Variants in VAX2 observed in about 807,000 individuals in gnomAD.
VAX2 encodes the protein ventral anterior homeobox 2.
VAX2 carries 8 observed loss-of-function variants against 12.5 expected under a neutral mutation model. That is an observed-to-expected ratio of 0.64 (90% confidence interval 0.37 to 1.15). The LOEUF (loss-of-function observed/expected upper bound fraction) is 1.15. Ranked by LOEUF, VAX2 falls within the 50% of genes most tolerant of loss-of-function variation. The probability of loss-of-function intolerance (pLI) is 0.01; values close to 1 mark genes in which losing one functional copy is unlikely to be tolerated. For synonymous variants in VAX2, 183 were observed against 187.6 expected, an observed-to-expected ratio of 0.98 and a Z score of 0.20; for missense variants, 476 against 412.9, an observed-to-expected ratio of 1.15 and a Z score of -1.32.
intron 1 of VAX2, among the ~76,000 whole-genome samples, chr2:70,903,665 G>T (rs1159250993): frequency 1.2e-4 from 18 of 152,180 alleles, no homozygotes; most frequent in African/African-American, 4.1e-4. Flanking sequence ...CACCCAGTAG[G>T]ATCTTCATAA....
chr2:70,933,225 G>C lies in VAX2; in HGVS notation c.*21G>C, dbSNP rs782361299. On this transcript the variant is annotated 3_prime_UTR_variant, in exon 3 of 3. Transcript: ENST00000234392. ...CTTAAGACTCCCACCCTGTGACACTGAGTCCCGAGCACAGCACCTTCCCAG... is the reference window on the plus strand; with the variant it reads ...CTTAAGACTCCCACCCTGTGACACTCAGTCCCGAGCACAGCACCTTCCCAG... 6.7e-7 allele frequency: 1 copy of C among 1,498,986 alleles called. No individual in the cohort carries two copies. The highest frequency in any genetic ancestry group is 8.9e-7 in the Non-Finnish European group (1 of 1,123,600). The allele number at this position is 1,498,986 out of a possible 1,614,324, so 92.9% of individuals were successfully genotyped here. A position where few individuals can be genotyped will look rare whatever the true frequency, so the allele number is the denominator to read the frequency against.
intron 1 of VAX2, among the ~76,000 whole-genome samples, chr2:70,919,121 GAACCTGGGAGGCTGAGGCAGGAGAATCAC>G (rs1679383349): frequency 1.2e-4 from 1 of 8,008 alleles, no homozygotes; most frequent in Non-Finnish European, 2.0e-4. Context: ...AGAATCACTT[GAACCTGGGAGGCTGAGGCAGGAGAATCAC>G]TTGAACCTGG....
At chr2:70,919,629 C>T (rs1553412520) in intron 1 of VAX2, among the ~76,000 whole-genome samples, 1 of 152,060 alleles carries the variant, frequency 6.6e-6, no homozygotes, top group East Asian at 1.9e-4. Flanking sequence ...TCACTTGAAC[C>T]CAGAAGTTAC....
At chr2:70,924,970 G>A (rs1553413337) in intron 2 of VAX2, among the ~76,000 whole-genome samples, 1 of 152,176 alleles carries the variant, frequency 6.6e-6, no homozygotes, top group Non-Finnish European at 1.5e-5. Flanking sequence ...ATGACGTTGA[G>A]CTTAGGCCTG....
At chr2:70,928,411 C>T (rs1055622750) in intron 2 of VAX2, among the ~76,000 whole-genome samples, 1 of 152,172 alleles carries the variant, frequency 6.6e-6, no homozygotes, top group East Asian at 1.9e-4. Context: ...TTCCAGTGTG[C>T]GGCCAAGGTT....
In VAX2 at chr2:70,920,327, A is replaced by G. The variant is rs1418533936; in HGVS notation, c.248-771A>G. Among the ~76,000 whole-genome samples, 7 of 152,202 alleles carry G rather than the reference A, an allele frequency of 4.6e-5. No homozygotes were observed. The East Asian group carries it at 1.3e-3, about 29-fold the overall frequency. ...GTTAAATGTTACTAAGTTCTTTATCAGGAATGTGTGGGGAACGTGGGCTCC... is the reference window on the plus strand; with the variant it reads ...GTTAAATGTTACTAAGTTCTTTATCGGGAATGTGTGGGGAACGTGGGCTCC... On this transcript the variant is annotated intron_variant, in intron 1 of 2. Transcript: ENST00000234392.
intron 1 of VAX2, among the ~76,000 whole-genome samples, chr2:70,907,324 C>A (rs1363640008): frequency 6.6e-6 from 1 of 152,218 alleles, no homozygotes; most frequent in Non-Finnish European, 1.5e-5. Context: ...CTGGGCCGCT[C>A]GTAAAGTCAA....
chr2:70,929,366 G>A (rs1313738610), intron 2 of VAX2, among the ~76,000 whole-genome samples: 1 of 152,226 alleles, frequency 6.6e-6, no homozygotes, highest in Non-Finnish European at 1.5e-5. Context: ...ACCTGTCTAT[G>A]ACATGGTAAG....
intron 2 of VAX2, among the ~76,000 whole-genome samples, chr2:70,923,995 TA>T (rs1679516583): frequency 6.6e-6 from 1 of 152,146 alleles, no homozygotes; most frequent in Admixed American, 6.5e-5. Context: ...AAACATTTTT[TA>T]CAGTTTACAC....
At chr2:70,910,814 C>T (rs1679166292) in intron 1 of VAX2, among the ~76,000 whole-genome samples, 1 of 149,188 alleles carries the variant, frequency 6.7e-6, no homozygotes, top group South Asian at 2.1e-4. Context: ...ACAAAAAACC[C>T]ACAAAAAAAC....
intron 1 of VAX2, among the ~76,000 whole-genome samples, chr2:70,907,554 G>T (rs1293536630): frequency 6.6e-6 from 1 of 152,230 alleles, no homozygotes; most frequent in Non-Finnish European, 1.5e-5. Context: ...GACTTTCAGA[G>T]CCCCTGTCCC....
At chr2:70,911,564 C>T (rs1020714053) in intron 1 of VAX2, among the ~76,000 whole-genome samples, 4 of 152,194 alleles carry the variant, frequency 2.6e-5, no homozygotes, top group Admixed American at 6.5e-5. Context: ...ATTGAGAGAG[C>T]TTGAGAGAAC....
At chr2:70,927,842 G>A (rs1489428719) in intron 2 of VAX2, among the ~76,000 whole-genome samples, 1 of 152,086 alleles carries the variant, frequency 6.6e-6, no homozygotes. Flanking sequence ...AGCACTCACT[G>A]AGTCCCAGGG....
intron 2 of VAX2, among the ~76,000 whole-genome samples, chr2:70,922,355 C>T (rs1428043855): frequency 2.0e-5 from 3 of 151,872 alleles, no homozygotes; most frequent in African/African-American, 4.8e-5. Context: ...TGGAGCGAGG[C>T]GGGAGGCTGT....
At chr2:70,928,240 G>A (rs1679616363) in intron 2 of VAX2, among the ~76,000 whole-genome samples, 1 of 152,232 alleles carries the variant, frequency 6.6e-6, no homozygotes, top group African/African-American at 2.4e-5. Context: ...GGGAAGTAGA[G>A]AGTTGACCCT....
At chr2:70,925,637 G>T (rs1359107660) in intron 2 of VAX2, among the ~76,000 whole-genome samples, 1 of 152,130 alleles carries the variant, frequency 6.6e-6, no homozygotes, top group African/African-American at 2.4e-5. Flanking sequence ...AGCTCTTTTG[G>T]GGGAAAAGAT....
At chr2:70,929,446 T>C (rs1679643186) in intron 2 of VAX2, among the ~76,000 whole-genome samples, 1 of 148,646 alleles carries the variant, frequency 6.7e-6, no homozygotes, top group Non-Finnish European at 1.5e-5. Context: ...CCCAGCACTT[T>C]AGGAGGCCGA....
intron 1 of VAX2, among the ~76,000 whole-genome samples, chr2:70,907,806 C>A (rs143334224): frequency 6.6e-6 from 1 of 152,212 alleles, no homozygotes. Flanking sequence ...TCCTTCCAGG[C>A]GATTTTTCCA....
chr2:70,922,681 CG>C (rs1420501566), intron 2 of VAX2, among the ~76,000 whole-genome samples: 16 of 152,142 alleles, frequency 1.1e-4, no homozygotes, highest in African/African-American at 3.4e-4. Flanking sequence ...AGGGGAAGGC[CG>C]GGGAAGGACA....
Sources: gnomAD v4.1 joint callset for allele counts (sites outside exome capture counted in the v4.1 genomes callset) on GRCh38, gnomAD v4.1.1 for gene constraint, MANE v1.5 for transcripts, NCBI Gene and HGNC (gene_info 2026-07-23, HGNC 2026-07-21) for gene names.